KATNIP: variants seen among roughly 807,000 people sequenced by gnomAD.
The protein encoded by KATNIP is katanin-interacting protein.
A neutral mutation model predicts 174.0 loss-of-function variants in KATNIP; 126 were observed. The ratio of observed to expected loss-of-function variants is 0.72; its 90% CI spans 0.63 to 0.84. KATNIP has a LOEUF of 0.84. KATNIP is among the 40% of genes least tolerant of loss of function. The pLI is 0.00. For missense variants in KATNIP, 1,958 were observed against 2,109.7 expected, an observed-to-expected ratio of 0.93 and a Z score of 1.41; for synonymous variants, 810 against 835.7, an observed-to-expected ratio of 0.97 and a Z score of 0.53.
intron 21 of KATNIP, 143 bp from the exon 22 acceptor site, chr16:27,771,445 G>A (rs1279233075): frequency 5.9e-6 from 4 of 674,794 alleles, no homozygotes; most frequent in Non-Finnish European, 9.8e-6. Flanking sequence ...ACACGAGCAG[G>A]GGCCTCATCT....
intron 2 of KATNIP, among the ~76,000 whole-genome samples, chr16:27,609,378 C>CT (rs35339029): frequency 0.015 from 816 of 55,680 alleles, 162 homozygotes; most frequent in African/African-American, 0.032. Context: ...TGAGTTAAGT[C>CT]TTTTTTTTTT....
At chr16:27,761,289 A>C (rs2081946135) in intron 18 of KATNIP, 124 bp from the exon 19 acceptor site, 3 of 990,408 alleles carry the variant, frequency 3.0e-6, no homozygotes, top group East Asian at 5.2e-5. Context: ...CCTGCAAGGC[A>C]CTTTGGGTCT....
At position 27,774,973 on chromosome 16, in the gene KATNIP, C is replaced by T; in HGVS notation, c.4338C>T (p.Asn1446=). The change falls in exon 24 of 28, where the codon AAC becomes AAT. Residue 1446 remains asparagine, a synonymous_variant. Coordinates refer to ENST00000261588, the MANE Select transcript of KATNIP (RefSeq NM_015202.5). ...NNIAAFPDSV[N]SLEGVGGDVR... is the part of the protein sequence containing the mutation. ...TTGCGGCCTTCCCCGACAGCGTGAACTCCCTGGAGGGTGTGGGCGGGGACG... is the reference window on the plus strand; with the variant it reads ...TTGCGGCCTTCCCCGACAGCGTGAATTCCCTGGAGGGTGTGGGCGGGGACG... 1 of 1,613,980 alleles carries T rather than the reference C, an allele frequency of 6.2e-7. No individual in the cohort carries two copies. The highest frequency in any genetic ancestry group is 8.5e-7 in the Non-Finnish European group (1 of 1,179,954).
At chr16:27,618,607 A>C in intron 3 of KATNIP, 106 bp downstream of exon 3, 1 of 741,284 alleles carries the variant, frequency 1.3e-6, no homozygotes, top group South Asian at 1.5e-5. Context: ...TGGGATGCAG[A>C]GTCCCCCTCC....
At chr16:27,623,584 C>T (rs899914098) in intron 3 of KATNIP, among the ~76,000 whole-genome samples, 3 of 152,112 alleles carry the variant, frequency 2.0e-5, no homozygotes, top group African/African-American at 7.2e-5. Flanking sequence ...CTCAGATTCC[C>T]TAGTAGCTGG....
intron 15 of KATNIP, among the ~76,000 whole-genome samples, chr16:27,744,339 A>C (rs1055499833): frequency 1.3e-5 from 2 of 152,146 alleles, no homozygotes; most frequent in Non-Finnish European, 2.9e-5. Context: ...CAGCGTGGGC[A>C]ATATAGTAAG....
chr16:27,628,444 T>G (rs767362662), intron 3 of KATNIP: 3 of 545,666 alleles, frequency 5.5e-6, no homozygotes, highest in Non-Finnish European at 9.8e-6. Context: ...CTGCAGAAAC[T>G]TCCCTGTAGG....
At position 27,754,255 on chromosome 16, in the gene KATNIP, AGT is replaced by A; in HGVS notation, c.3631+5_3631+6del. 6.2e-7 allele frequency: 1 copy of A among 1,613,010 alleles called. No homozygotes were observed. Among genetic ancestry groups the A allele is most frequent in the Non-Finnish European group, 8.5e-7 (1 of 1,178,926 alleles). ...CCAGGCATCTACCACGGAATCTGTGAGTAGCTCTCCTGGAGCAGTGTTGGGTG... is the reference window on the plus strand; with the variant it reads ...CCAGGCATCTACCACGGAATCTGTGAAGCTCTCCTGGAGCAGTGTTGGGTG... On this transcript the variant is annotated splice_donor_5th_base_variant and intron_variant, in intron 18 of 27. Coordinates refer to ENST00000261588, the MANE Select transcript of KATNIP (RefSeq NM_015202.5).
intron 19 of KATNIP, 75 bp downstream of exon 19, chr16:27,761,665 A>G: frequency 7.6e-7 from 1 of 1,312,856 alleles, no homozygotes; most frequent in Non-Finnish European, 1.1e-6. Flanking sequence ...GAGACTTCAG[A>G]TTCAGACATC....
chr16:27,756,776 G>A (rs557948749), intron 18 of KATNIP, among the ~76,000 whole-genome samples: 43 of 152,302 alleles, frequency 2.8e-4, no homozygotes, highest in Admixed American at 2.8e-3. Context: ...ATTGGCTTAT[G>A]CAACTAGAAG....
rs774418856 is a variant in KATNIP at position 27,698,419 on chromosome 16, C to T, written c.1032C>T (p.Leu344=). Reference sequence around the variant, plus strand: ...CAGAGGAAGATGCCTCTGCTGTGCTCCAAGCCATCCAGGTGGAGAACGCAG... The same window carrying T: ...CAGAGGAAGATGCCTCTGCTGTGCTTCAAGCCATCCAGGTGGAGAACGCAG... The part of the protein sequence containing the change: ...EYPEEDASAV[L]QAIQVENAAL... Residue 344 remains leucine, a synonymous_variant, in exon 9 of 28, where the codon CTC becomes CTT. Coordinates refer to ENST00000261588, the MANE Select transcript of KATNIP (RefSeq NM_015202.5). The T allele has an allele frequency of 7.4e-6, 12 of 1,613,656 alleles. No individual in the cohort carries two copies. In the South Asian group the frequency reaches 1.3e-4, roughly 18 times the overall value.
intron 13 of KATNIP, among the ~76,000 whole-genome samples, chr16:27,719,151 C>T (rs1567344090): frequency 6.6e-6 from 1 of 152,164 alleles, no homozygotes; most frequent in Non-Finnish European, 1.5e-5. Flanking sequence ...ACAAGGACTG[C>T]AGACTCAATG....
intron 2 of KATNIP, among the ~76,000 whole-genome samples, chr16:27,586,684 C>G (rs1489790217): frequency 2.0e-5 from 3 of 151,760 alleles, no homozygotes; most frequent in African/African-American, 7.3e-5. Flanking sequence ...CAAAAATGAG[C>G]CAGGCACAGT....
intron 19 of KATNIP, among the ~76,000 whole-genome samples, chr16:27,765,007 T>C (rs192757375): frequency 6.6e-6 from 1 of 152,276 alleles, no homozygotes; most frequent in East Asian, 1.9e-4. Flanking sequence ...TTCACAACTT[T>C]AAAATGTAAA....
At chr16:27,607,632 C>T (rs2075750812) in intron 2 of KATNIP, among the ~76,000 whole-genome samples, 1 of 132,574 alleles carries the variant, frequency 7.5e-6, no homozygotes, top group Non-Finnish European at 1.5e-5. Context: ...GAACCTCACT[C>T]TGTCACCCAG....
intron 1 of KATNIP, among the ~76,000 whole-genome samples, chr16:27,568,760 G>T (rs2141661624): frequency 6.6e-6 from 1 of 152,290 alleles, no homozygotes; most frequent in East Asian, 1.9e-4. Flanking sequence ...ACCGCACCCG[G>T]CCGGAAATAA....
intron 8 of KATNIP, chr16:27,687,546 C>T (rs1194921179): frequency 3.9e-5 from 6 of 152,188 alleles, no homozygotes; most frequent in African/African-American, 1.4e-4. Context: ...CTTTCTATCA[C>T]TGCAACTGTC....
At chr16:27,710,065 A>G (rs991286175) in intron 13 of KATNIP, among the ~76,000 whole-genome samples, 3 of 152,072 alleles carry the variant, frequency 2.0e-5, no homozygotes, top group Non-Finnish European at 4.4e-5. Flanking sequence ...TCTTTCCTTT[A>G]AATATCCAAC....
intron 1 of KATNIP, among the ~76,000 whole-genome samples, chr16:27,565,837 G>A (rs2090069649): frequency 6.6e-6 from 1 of 151,828 alleles, no homozygotes; most frequent in African/African-American, 2.4e-5. Flanking sequence ...GGGAAAGTGG[G>A]AGATCTGTCT....
Sources: allele counts gnomAD v4.1 joint callset (sites outside exome capture counted in the v4.1 genomes callset), GRCh38; gene constraint gnomAD v4.1.1; transcripts MANE v1.5; gene names NCBI Gene and HGNC (gene_info 2026-07-23, HGNC 2026-07-21).